The following COMMD10 variants were observed in gnomAD, a reference collection of about 807,000 sequenced individuals.
COMMD10 encodes the protein COMM domain-containing protein 10.
Under a neutral mutation model 28.9 loss-of-function variants are expected in COMMD10, and 33 were observed. The observed-to-expected ratio is 1.14, with a 90% CI of 0.87 to 1.53. The LOEUF (loss-of-function observed/expected upper bound fraction) is 1.53. COMMD10 is among the 40% of genes most tolerant of loss of function. COMMD10 has a pLI of 0.00. For synonymous variants in COMMD10, 110 were observed against 81.7 expected (o/e 1.35, Z -1.87); for missense variants, 310 against 233.4 (o/e 1.33, Z -2.14).
At chr5:116,086,324 C>G (rs1397463576) in intron 1 of COMMD10, among the ~76,000 whole-genome samples, 2 of 152,200 alleles carry the variant, frequency 1.3e-5, no homozygotes, top group Admixed American at 1.3e-4. Flanking sequence ...ACCGCTACAT[C>G]AGTAAACTGT....
intron 5 of COMMD10, among the ~76,000 whole-genome samples, chr5:116,155,276 C>T (rs1229959282): frequency 6.6e-6 from 1 of 152,060 alleles, no homozygotes; most frequent in Non-Finnish European, 1.5e-5. Context: ...GTTAAATTCA[C>T]ATAAATATGA....
intron 5 of COMMD10, among the ~76,000 whole-genome samples, chr5:116,221,525 C>T (rs1456166836): frequency 6.6e-6 from 1 of 152,158 alleles, no homozygotes; most frequent in African/African-American, 2.4e-5. Flanking sequence ...CTCATGGTTA[C>T]ATTGCTAGTT....
chr5:116,169,707 C>A (rs1233107031), intron 5 of COMMD10, among the ~76,000 whole-genome samples: 1 of 152,130 alleles, frequency 6.6e-6, no homozygotes, highest in East Asian at 1.9e-4. Flanking sequence ...TAAACGTGAT[C>A]CATTGCGTAA....
At chr5:116,209,205 A>G (rs192456095) in intron 5 of COMMD10, among the ~76,000 whole-genome samples, 5 of 152,164 alleles carry the variant, frequency 3.3e-5, no homozygotes, top group African/African-American at 9.6e-5. Flanking sequence ...TTCCATGTGG[A>G]AATTTTAATT....
In COMMD10 at chr5:116,289,273, C is replaced by T. The variant is rs538661436; in HGVS notation, c.511-2244C>T. On this transcript the variant is annotated intron_variant, in intron 5 of 6. Coordinates refer to ENST00000274458, the MANE Select transcript of COMMD10 (RefSeq NM_016144.4). ...CTTTGTTTCTTCAGGGTAAGTGTCC[C>T]GAGTTTTATTTTGTTCCTTTGATTA... Among the ~76,000 whole-genome samples, 8 of 151,752 alleles carry T rather than the reference C, an allele frequency of 5.3e-5. No individual in the cohort carries two copies. The South Asian group carries it at 1.5e-3, about 28-fold the overall frequency.
chr5:116,169,828 G>A (rs1028845850), intron 5 of COMMD10, among the ~76,000 whole-genome samples: 1 of 152,068 alleles, frequency 6.6e-6, no homozygotes, highest in Non-Finnish European at 1.5e-5. Flanking sequence ...AGGTACTGAT[G>A]GGACGTATCT....
At chr5:116,223,342 C>G (rs1446199891) in intron 5 of COMMD10, among the ~76,000 whole-genome samples, 2 of 141,238 alleles carry the variant, frequency 1.4e-5, no homozygotes, top group African/African-American at 5.9e-5. Context: ...GTTCTTATTA[C>G]AATGTAATAT....
At chr5:116,151,671 G>T (rs1382825620) in intron 5 of COMMD10, among the ~76,000 whole-genome samples, 2 of 152,076 alleles carry the variant, frequency 1.3e-5, no homozygotes, top group Non-Finnish European at 2.9e-5. Context: ...TTCTCTGATG[G>T]TACTTTGTAT....
chr5:116,111,619 C>T (rs1345420580), intron 4 of COMMD10, among the ~76,000 whole-genome samples: 3 of 151,950 alleles, frequency 2.0e-5, no homozygotes, highest in Non-Finnish European at 2.9e-5. Context: ...TGGTTTTATT[C>T]TACTGTGGTC....
intron 5 of COMMD10, among the ~76,000 whole-genome samples, chr5:116,194,880 C>G (rs2112616534): frequency 6.6e-6 from 1 of 152,112 alleles, no homozygotes; most frequent in East Asian, 1.9e-4. Flanking sequence ...AACTACAGAC[C>G]AATACCCTTG....
intron 5 of COMMD10, among the ~76,000 whole-genome samples, chr5:116,237,643 C>T (rs1293869256): frequency 6.6e-6 from 1 of 151,752 alleles, no homozygotes; most frequent in Non-Finnish European, 1.5e-5. Context: ...GACCCTGCTT[C>T]TAGAAAAAAA....
intron 4 of COMMD10, 67 bp downstream of exon 4, chr5:116,092,767 G>A: frequency 8.6e-7 from 1 of 1,159,236 alleles, no homozygotes; most frequent in Middle Eastern, 2.1e-4. Flanking sequence ...TACCTGAAGA[G>A]TTTTTAAAGT....
chr5:116,113,010 A>G lies in COMMD10; in HGVS notation c.399+20310A>G, dbSNP rs927484673. 2.0e-5 allele frequency among the ~76,000 whole-genome samples: 3 copies of G among 152,192 alleles called. No individual in the cohort carries two copies. In the South Asian group the frequency reaches 6.2e-4, roughly 31 times the overall value. ...TGAGCATTTCCTGTAGGACTGGTCT[A>G]GTTTTCATGAATTCCCTCAGTATTT... On this transcript the variant is annotated intron_variant, in intron 4 of 6. Coordinates refer to ENST00000274458, the MANE Select transcript of COMMD10 (RefSeq NM_016144.4).
In COMMD10 at chr5:116,280,137, A is replaced by G. The variant is rs144953089; in HGVS notation, c.511-11380A>G. ...CATCTATTAAATAAGAGGATTGGGCAAGGATACTGCTGAAGTGTTTTGTTA... is the reference window on the plus strand; with the variant it reads ...CATCTATTAAATAAGAGGATTGGGCGAGGATACTGCTGAAGTGTTTTGTTA... On this transcript the variant is annotated intron_variant, in intron 5 of 6. Transcript: ENST00000274458. Among the ~76,000 whole-genome samples the G allele has an allele frequency of 2.6e-3, 389 of 152,024 alleles. 1 individual carries two copies. Among genetic ancestry groups the G allele is most frequent in the Non-Finnish European group, 4.4e-3 (296 of 68,014 alleles).
intron 5 of COMMD10, among the ~76,000 whole-genome samples, chr5:116,233,601 A>C (rs1031365): frequency 1.2e-4 from 19 of 152,076 alleles, no homozygotes; most frequent in Non-Finnish European, 2.4e-4. Context: ...GTCAAGGAAG[A>C]CCTCACTGAT....
intron 5 of COMMD10, among the ~76,000 whole-genome samples, chr5:116,213,753 C>T (rs1282060236): frequency 6.6e-6 from 1 of 151,742 alleles, no homozygotes; most frequent in Non-Finnish European, 1.5e-5. Flanking sequence ...AATTTGTGAC[C>T]TTTTCATAAT....
intron 5 of COMMD10, among the ~76,000 whole-genome samples, chr5:116,264,558 G>A (rs1750533831): frequency 6.6e-6 from 1 of 151,824 alleles, no homozygotes; most frequent in Non-Finnish European, 1.5e-5. Context: ...ACAAAGTCAC[G>A]TAAAGGTCAA....
At chr5:116,212,876 C>G (rs1749004489) in intron 5 of COMMD10, among the ~76,000 whole-genome samples, 1 of 151,850 alleles carries the variant, frequency 6.6e-6, no homozygotes, top group Admixed American at 6.6e-5. Flanking sequence ...TCTGGGGTAT[C>G]CATAATAAAA....
At chr5:116,147,698 GTTTA>G (rs1354959265) in intron 5 of COMMD10, among the ~76,000 whole-genome samples, 1 of 151,458 alleles carries the variant, frequency 6.6e-6, no homozygotes, top group Non-Finnish European at 1.5e-5. Context: ...AGAAATTCTT[GTTTA>G]TTTCATGTTT....
Sources: allele counts gnomAD v4.1 joint callset (sites outside exome capture counted in the v4.1 genomes callset), GRCh38; gene constraint gnomAD v4.1.1; transcripts MANE v1.5; gene names NCBI Gene and HGNC (gene_info 2026-07-23, HGNC 2026-07-21).